The following SLC22A3 variants were observed in gnomAD, a reference collection of about 807,000 sequenced individuals.
SLC22A3 encodes the protein EMT organic cation transporter 3.
SLC22A3 carries 51 observed loss-of-function variants against 59.1 expected under a neutral mutation model. The ratio of observed to expected loss-of-function variants is 0.86; its 90% CI spans 0.69 to 1.09. The LOEUF is 1.09. Among genes scored for constraint, SLC22A3 ranks in the 50% least tolerant of loss-of-function variants. The pLI, the probability that SLC22A3 is intolerant of heterozygous loss-of-function variation, is 0.00. For synonymous variants in SLC22A3, 325 were observed against 292.0 expected (o/e 1.11, Z -1.15); for missense variants, 711 against 726.3 (o/e 0.98, Z 0.24).
At chr6:160,408,596 C>G (rs1417840461) in intron 3 of SLC22A3, among the ~76,000 whole-genome samples, 157 bp from the exon 4 acceptor site, 2 of 152,144 alleles carry the variant, frequency 1.3e-5, no homozygotes, top group Non-Finnish European at 2.9e-5. Flanking sequence ...AGAAGGACAC[C>G]TCCATCCTTT....
At chr6:160,372,843 C>G (rs1436289071) in intron 1 of SLC22A3, among the ~76,000 whole-genome samples, 1 of 152,056 alleles carries the variant, frequency 6.6e-6, no homozygotes, top group Non-Finnish European at 1.5e-5. Context: ...TTTTTTAGCT[C>G]CATCAGGTCA....
intron 5 of SLC22A3, among the ~76,000 whole-genome samples, chr6:160,426,734 G>A (rs1030356867): frequency 6.6e-6 from 1 of 152,186 alleles, no homozygotes; most frequent in Non-Finnish European, 1.5e-5. Flanking sequence ...CTAATGATGG[G>A]CACCTGGGTT....
chr6:160,441,427 G>A (rs373917488), intron 7 of SLC22A3, among the ~76,000 whole-genome samples: 5 of 152,192 alleles, frequency 3.3e-5, no homozygotes, highest in South Asian at 2.1e-4. Flanking sequence ...TGATATAACC[G>A]TTAACGTGAC....
At chr6:160,426,137 T>A in intron 5 of SLC22A3, 1 of 985,406 alleles carries the variant, frequency 1.0e-6, no homozygotes, top group South Asian at 4.7e-5. Context: ...TTGAGGTGCA[T>A]CTAAACTGAT....
intron 5 of SLC22A3, among the ~76,000 whole-genome samples, chr6:160,427,924 C>T (rs939490156): frequency 6.6e-6 from 1 of 152,168 alleles, no homozygotes; most frequent in Non-Finnish European, 1.5e-5. Context: ...GGCATAGATG[C>T]TGCTGGAGAT....
chr6:160,392,740 A>C (rs1786311811), intron 1 of SLC22A3, among the ~76,000 whole-genome samples: 1 of 152,202 alleles, frequency 6.6e-6, no homozygotes, highest in Non-Finnish European at 1.5e-5. Flanking sequence ...ATTATTATTT[A>C]TGATTACTAT....
rs111337837 is a variant in SLC22A3 at position 160,367,622 on chromosome 6, G to A, written c.429+18774G>A. On this transcript the variant is annotated intron_variant, in intron 1 of 10. Transcript: ENST00000275300. Reference sequence around the variant, plus strand: ...GCCATGCTGCTGCTCAGTGTCTTCCGCTGCTGTCTCCAAGTGGTGTTCTTG... The same window carrying A: ...GCCATGCTGCTGCTCAGTGTCTTCCACTGCTGTCTCCAAGTGGTGTTCTTG... 1.5e-3 allele frequency among the ~76,000 whole-genome samples: 226 copies of A among 152,248 alleles called. 4 individuals carry two copies. The highest frequency in any genetic ancestry group is 3.2e-3 in the African/African-American group (134 of 41,548).
chr6:160,348,599 C>G lies in SLC22A3; in HGVS notation c.180C>G (p.Ala60=), dbSNP rs1398002451. The G allele has an allele frequency of 5.3e-6, 8 of 1,513,050 alleles. No individual in the cohort carries two copies. The highest frequency in any genetic ancestry group is 6.1e-6 in the Non-Finnish European group (7 of 1,139,106). The allele number at this position is 1,513,050 out of a possible 1,614,324, so 93.7% of individuals were successfully genotyped here. Reference sequence around the variant, plus strand: ...GCGGGCCAAGTGCCGCGGCGCTGGCCGAGCGCTGCGGCTGGAGCCCGGAGG... The same window carrying G: ...GCGGGCCAAGTGCCGCGGCGCTGGCGGAGCGCTGCGGCTGGAGCCCGGAGG... ...WCRGPSAAAL[A]ERCGWSPEEE... The change falls in exon 1 of 11, where the codon GCC becomes GCG. Residue 60 remains alanine, a synonymous_variant. Coordinates refer to ENST00000275300, the MANE Select transcript of SLC22A3 (RefSeq NM_021977.4).
chr6:160,441,808 G>A (rs117283868), intron 7 of SLC22A3, among the ~76,000 whole-genome samples: 7 of 152,256 alleles, frequency 4.6e-5, no homozygotes, highest in Non-Finnish European at 1.0e-4. Flanking sequence ...GAAAATGAAA[G>A]GCACATGAAC....
At chr6:160,367,168 G>A (rs368394188) in intron 1 of SLC22A3, among the ~76,000 whole-genome samples, 3 of 152,108 alleles carry the variant, frequency 2.0e-5, no homozygotes, top group East Asian at 3.9e-4. Flanking sequence ...GGTTCTGCAG[G>A]GCTAGGGAGG....
In SLC22A3 at chr6:160,410,735, C is replaced by A. The variant is rs1282588058; in HGVS notation, c.864C>A (p.Val288=). 6 of 1,610,216 alleles carry A rather than the reference C, an allele frequency of 3.7e-6. No homozygotes were observed. Among genetic ancestry groups the A allele is most frequent in the Non-Finnish European group, 5.1e-6 (6 of 1,176,760 alleles). Residue 288 remains valine (V), a synonymous_variant, in exon 5 of 11, where the codon GTC becomes GTA. Transcript: ENST00000275300. ...SFLFLLYYWV[V]PESPRWLITR... ...CAGCCTCCTTCTTTGCCAGGGTGGT[C>A]CCTGAGTCTCCCCGTTGGCTGATTA...
At chr6:160,366,881 C>T (rs1785224434) in intron 1 of SLC22A3, among the ~76,000 whole-genome samples, 1 of 152,186 alleles carries the variant, frequency 6.6e-6, no homozygotes, top group South Asian at 2.1e-4. Context: ...CTAGGAACTT[C>T]CAAACTTTCC....
intron 1 of SLC22A3, among the ~76,000 whole-genome samples, chr6:160,381,517 A>G (rs1785795874): frequency 6.6e-6 from 1 of 152,232 alleles, no homozygotes; most frequent in African/African-American, 2.4e-5. Context: ...AAGTATATGA[A>G]TATATTGTTT....
At chr6:160,350,468 T>C (rs890705889) in intron 1 of SLC22A3, among the ~76,000 whole-genome samples, 3 of 152,186 alleles carry the variant, frequency 2.0e-5, no homozygotes, top group Non-Finnish European at 4.4e-5. Flanking sequence ...GGACAGGGCA[T>C]GGACTTGGAT....
intron 1 of SLC22A3, among the ~76,000 whole-genome samples, chr6:160,386,660 C>A (rs1786029060): frequency 6.6e-6 from 1 of 152,204 alleles, no homozygotes; most frequent in South Asian, 2.1e-4. Context: ...AGATCCCATG[C>A]ATAGAGCAGC....
chr6:160,436,927 C>T, intron 6 of SLC22A3, 50 bp downstream of exon 6: 1 of 1,608,226 alleles, frequency 6.2e-7, no homozygotes, highest in Non-Finnish European at 8.5e-7. Context: ...ATTTACAATA[C>T]ATCCCTTCCT....
chr6:160,353,764 C>T (rs532362235), intron 1 of SLC22A3, among the ~76,000 whole-genome samples: 22 of 152,126 alleles, frequency 1.4e-4, no homozygotes, highest in African/African-American at 4.6e-4. Context: ...TCACAAACAT[C>T]TAGGGCCCTT....
At chr6:160,440,878 G>A (rs1466202239) in intron 7 of SLC22A3, among the ~76,000 whole-genome samples, 1 of 152,092 alleles carries the variant, frequency 6.6e-6, no homozygotes, top group African/African-American at 2.4e-5. Context: ...CACAAATGGG[G>A]CAACTTGGCA....
chr6:160,348,806 C>A lies in SLC22A3; in HGVS notation c.387C>A (p.Gly129=), dbSNP rs760456855. 2 of 1,579,762 alleles carry A rather than the reference C, an allele frequency of 1.3e-6. No individual in the cohort carries two copies. The highest frequency in any genetic ancestry group is 1.3e-5 in the African/African-American group (1 of 74,684). Residue 129 remains glycine, a synonymous_variant, in exon 1 of 11, where the codon GGC becomes GGA. Coordinates refer to ENST00000275300, the MANE Select transcript of SLC22A3 (RefSeq NM_021977.4). ...CGGCTCCCCTTGTGCCGTGCCGCGGCGGCTGGCGCTACGCCCAGGCCCACT... is the reference window on the plus strand; with the variant it reads ...CGGCTCCCCTTGTGCCGTGCCGCGGAGGCTGGCGCTACGCCCAGGCCCACT... ...NRSAPLVPCR[G]GWRYAQAHST... is the part of the protein sequence containing the mutation.
Sources: allele counts gnomAD v4.1 joint callset (sites outside exome capture counted in the v4.1 genomes callset), GRCh38; gene constraint gnomAD v4.1.1; transcripts MANE v1.5; gene names NCBI Gene and HGNC (gene_info 2026-07-23, HGNC 2026-07-21).